The following SEL1L3 variants were observed in gnomAD, a reference collection of about 807,000 sequenced individuals.
SEL1L3 encodes protein sel-1 homolog 3.
A neutral mutation model predicts 142.8 loss-of-function variants in SEL1L3; 76 were observed. The ratio of observed to expected loss-of-function variants is 0.53; its 90% CI spans 0.44 to 0.64. The LOEUF is 0.64. Ranked by LOEUF, SEL1L3 falls within the 30% of genes least tolerant of loss-of-function variation. The pLI is 0.00. For synonymous variants in SEL1L3, 504 were observed against 519.6 expected (o/e 0.97, Z 0.41); for missense variants, 1,262 against 1,381.7 (o/e 0.91, Z 1.37).
chr4:25,834,852 A>G (rs1036134597), intron 3 of SEL1L3, among the ~76,000 whole-genome samples: 3 of 152,228 alleles, frequency 2.0e-5, no homozygotes, highest in Admixed American at 2.0e-4. Context: ...AGCTCGTCCA[A>G]TCTTCCACGA....
intron 17 of SEL1L3, among the ~76,000 whole-genome samples, chr4:25,774,930 G>C (rs1005669491): frequency 3.4e-4 from 51 of 152,164 alleles, no homozygotes; most frequent in African/African-American, 1.2e-3. Flanking sequence ...AGACATCATG[G>C]GGGCAGGGGT....
At chr4:25,846,085 A>G (rs1240614642) in intron 2 of SEL1L3, among the ~76,000 whole-genome samples, 2 of 152,172 alleles carry the variant, frequency 1.3e-5, no homozygotes, top group Non-Finnish European at 2.9e-5. Context: ...CAGTTGAGGA[A>G]ACAACTGGGC....
chr4:25,737,940 A>C, the SEL1L3 span, among the ~76,000 whole-genome samples: 5 of 151,966 alleles, frequency 3.3e-5, no homozygotes, highest in African/African-American at 1.2e-4. Flanking sequence ...ACCAGGCTGG[A>C]GTGCAATAGC....
Position 25,851,149 on chromosome 4 carries a change from C to T in SEL1L3, c.163-3285G>A, listed in dbSNP as rs149944400. Among the ~76,000 whole-genome samples the T allele has an allele frequency of 3.7e-3, 563 of 152,236 alleles. 3 individuals carry two copies. Among genetic ancestry groups the T allele is most frequent in the Middle Eastern group, 0.02 (6 of 294 alleles). ...TACAGGCGTGAGCCACTGTGCCCAG[C>T]CCAGGTTTTGAAATTTCAGGTTTGT... On this transcript the variant is annotated intron_variant, in intron 1 of 23. Coordinates refer to ENST00000399878, the MANE Select transcript of SEL1L3 (RefSeq NM_015187.5).
At chr4:25,756,281 G>A (rs901308484) in intron 23 of SEL1L3, 109 of 985,166 alleles carry the variant, frequency 1.1e-4, no homozygotes, top group Admixed American at 2.5e-4. Flanking sequence ...TTGAGAGACC[G>A]GAGTCGTCTG....
intron 5 of SEL1L3, among the ~76,000 whole-genome samples, chr4:25,831,550 G>T (rs925633404): frequency 6.8e-5 from 10 of 147,124 alleles, no homozygotes; most frequent in African/African-American, 2.2e-4. Context: ...TATTGAGACA[G>T]AGTCTCACTC....
At chr4:25,844,817 G>T (rs1311102100) in intron 2 of SEL1L3, among the ~76,000 whole-genome samples, 1 of 152,182 alleles carries the variant, frequency 6.6e-6, no homozygotes, top group Non-Finnish European at 1.5e-5. Context: ...CCTGCATGGG[G>T]CTCTGCCTGG....
downstream of SEL1L3, among the ~76,000 whole-genome samples, chr4:25,745,013 TTTTG>T (rs150653131): frequency 4.8e-3 from 729 of 151,396 alleles, 7 homozygotes; most frequent in African/African-American, 0.016. Context: ...ACATTAGGGT[TTTTG>T]TTTGTTTGTT....
At chr4:25,812,812 A>G (rs1365490163) in intron 9 of SEL1L3, among the ~76,000 whole-genome samples, 1 of 152,180 alleles carries the variant, frequency 6.6e-6, no homozygotes, top group African/African-American at 2.4e-5. Context: ...CAGGAGTTCA[A>G]GACCAGCCTG....
chr4:25,735,063 T>C, the SEL1L3 span, among the ~76,000 whole-genome samples: 24 of 152,266 alleles, frequency 1.6e-4, no homozygotes, highest in Middle Eastern at 3.4e-3. Flanking sequence ...TTGTGTACAG[T>C]TAGTATTATA....
chr4:25,861,667 A>G (rs1038059302), intron 1 of SEL1L3, among the ~76,000 whole-genome samples: 2 of 134,252 alleles, frequency 1.5e-5, no homozygotes, highest in East Asian at 2.1e-4. Flanking sequence ...TGAATTTCCT[A>G]TTACATCAGT....
intron 2 of SEL1L3, among the ~76,000 whole-genome samples, chr4:25,839,987 A>C (rs1716069047): frequency 6.6e-6 from 1 of 152,214 alleles, no homozygotes; most frequent in African/African-American, 2.4e-5. Flanking sequence ...CTTTAAAAAA[A>C]GTATTCTTTC....
chr4:25,841,688 T>C (rs1250886955), intron 2 of SEL1L3, among the ~76,000 whole-genome samples: 1 of 152,188 alleles, frequency 6.6e-6, no homozygotes, highest in Non-Finnish European at 1.5e-5. Context: ...GGCGCTGTAG[T>C]TCACCCAGCA....
chr4:25,721,941 C>T, the SEL1L3 span, among the ~76,000 whole-genome samples: 1 of 152,114 alleles, frequency 6.6e-6, no homozygotes, highest in East Asian at 1.9e-4. Context: ...CTGGAGAGGA[C>T]AAACTTTTAC....
chr4:25,780,751 T>A (rs1204477637), intron 15 of SEL1L3, among the ~76,000 whole-genome samples: 1 of 146,512 alleles, frequency 6.8e-6, no homozygotes, highest in Non-Finnish European at 1.5e-5. Context: ...AATAAAAAAT[T>A]ATATATAAAC....
chr4:25,777,191 A>C lies in SEL1L3; in HGVS notation c.2586-831T>G, dbSNP rs145508302. 8.5e-5 allele frequency among the ~76,000 whole-genome samples: 13 copies of C among 152,270 alleles called. No individual in the cohort carries two copies. In the East Asian group the frequency reaches 2.5e-3, roughly 29 times the overall value. ...AACTCTAACATTAAAATCAGGTATA[A>C]CTATATGATCATCAGAAAAAATAGA... On this transcript the variant is annotated intron_variant, in intron 16 of 23. Transcript: ENST00000399878.
intron 13 of SEL1L3, among the ~76,000 whole-genome samples, chr4:25,785,816 T>C (rs892780869): frequency 2.0e-5 from 3 of 152,134 alleles, no homozygotes; most frequent in Non-Finnish European, 4.4e-5. Context: ...AATAAGTTTA[T>C]CTTCTCCAAC....
chr4:25,796,327 G>C (rs1712745694), intron 11 of SEL1L3, among the ~76,000 whole-genome samples: 1 of 152,114 alleles, frequency 6.6e-6, no homozygotes, highest in African/African-American at 2.4e-5. Flanking sequence ...GGGCGCAGTG[G>C]CTCACGCCTG....
chr4:25,743,333 G>A (rs534966799), downstream of SEL1L3, among the ~76,000 whole-genome samples: 96 of 152,280 alleles, frequency 6.3e-4, no homozygotes, highest in African/African-American at 2.2e-3. Context: ...CCAAAGTGGA[G>A]GGGACAATAG....
Sources: gnomAD v4.1 joint callset for allele counts (sites outside exome capture counted in the v4.1 genomes callset) on GRCh38, gnomAD v4.1.1 for gene constraint, MANE v1.5 for transcripts, NCBI Gene and HGNC (gene_info 2026-07-23, HGNC 2026-07-21) for gene names.